The following PPP1R21 variants were observed in gnomAD, a reference collection of about 807,000 sequenced individuals.
The protein encoded by PPP1R21 is KLRAQ motif containing 1.
A neutral mutation model predicts 112.8 loss-of-function variants in PPP1R21; 85 were observed. The observed-to-expected ratio is 0.75, with a 90% CI of 0.63 to 0.90. The LOEUF (loss-of-function observed/expected upper bound fraction) is 0.90. Among genes scored for constraint, PPP1R21 ranks in the 40% least tolerant of loss-of-function variants. The probability of loss-of-function intolerance (pLI) is 0.00; values close to 1 mark genes in which losing one functional copy is unlikely to be tolerated. For synonymous variants in PPP1R21, 381 were observed against 322.3 expected (o/e 1.18, Z -1.95); for missense variants, 1,199 against 901.5 (o/e 1.33, Z -4.23).
chr2:48,477,667 C>CTTTT (rs545161997), intron 12 of PPP1R21, among the ~76,000 whole-genome samples: 80 of 139,786 alleles, frequency 5.7e-4, no homozygotes, highest in Non-Finnish European at 2.5e-4. Context: ...AGCCCTCCTA[C>CTTTT]TTTTTTTTTT....
chr2:48,483,588 A>G (rs1405028249), intron 13 of PPP1R21, among the ~76,000 whole-genome samples: 2 of 152,236 alleles, frequency 1.3e-5, no homozygotes, highest in East Asian at 3.8e-4. Flanking sequence ...ACTGACTTGT[A>G]CTGCTTTATA....
intron 9 of PPP1R21, among the ~76,000 whole-genome samples, chr2:48,470,092 T>C (rs776882505): frequency 6.6e-6 from 1 of 152,210 alleles, no homozygotes; most frequent in Non-Finnish European, 1.5e-5. Flanking sequence ...CATTAGATAA[T>C]TGAGATATTT....
At chr2:48,441,670 G>C (rs1276051170) in intron 1 of PPP1R21, among the ~76,000 whole-genome samples, 1 of 152,216 alleles carries the variant, frequency 6.6e-6, no homozygotes, top group Admixed American at 6.5e-5. Context: ...GCAACATGGG[G>C]ACCTGCCCCT....
chr2:48,451,218 G>A (rs1667455247), intron 2 of PPP1R21, 142 bp downstream of exon 2: 4 of 626,120 alleles, frequency 6.4e-6, no homozygotes. Flanking sequence ...AGTCTTTTGT[G>A]GTTAATTTTC....
In PPP1R21 at chr2:48,451,105, G is replaced by A. The variant is rs775417054; in HGVS notation, c.126+29G>A. 4.1e-5 allele frequency: 65 copies of A among 1,583,584 alleles called. 1 individual carries two copies. Among genetic ancestry groups the A allele is most frequent in the Middle Eastern group, 3.3e-4 (2 of 6,006 alleles). Reference sequence around the variant, plus strand: ...GGCAACAGGATATTTGTGTTGTGAGGGTTAAGTTAGCATTTGGTGTTGCTC... The same window carrying A: ...GGCAACAGGATATTTGTGTTGTGAGAGTTAAGTTAGCATTTGGTGTTGCTC... On this transcript the variant is annotated intron_variant, in intron 2 of 21. Coordinates refer to ENST00000294952, the MANE Select transcript of PPP1R21 (RefSeq NM_001135629.3).
intron 13 of PPP1R21, among the ~76,000 whole-genome samples, chr2:48,484,262 C>G (rs1046845253): frequency 6.6e-5 from 10 of 152,140 alleles, no homozygotes; most frequent in Non-Finnish European, 1.5e-4. Context: ...CTGCTTCCTT[C>G]TTTGATTTCT....
chr2:48,502,871 G>C (rs1670187431), intron 17 of PPP1R21, among the ~76,000 whole-genome samples: 3 of 151,822 alleles, frequency 2.0e-5, no homozygotes, highest in South Asian at 2.1e-4. Flanking sequence ...TAGTAGAGAC[G>C]GGGTTTCACT....
Position 48,475,498 on chromosome 2 carries a change from A to G in PPP1R21, c.1225+679A>G, listed in dbSNP as rs138484866. Among the ~76,000 whole-genome samples the G allele has an allele frequency of 3.3e-5, 5 of 152,286 alleles. No individual in the cohort carries two copies. The East Asian group carries it at 9.6e-4, about 29-fold the overall frequency. On this transcript the variant is annotated intron_variant, in intron 12 of 21. Transcript: ENST00000294952. ...GTAGCAGCTTTCCAACAAGTAGCGT[A>G]GGGGAGCTTTAGTAGTAAAAATGCC...
chr2:48,444,861 C>CTT (rs397944972), intron 1 of PPP1R21, among the ~76,000 whole-genome samples: 6 of 137,264 alleles, frequency 4.4e-5, no homozygotes, highest in African/African-American at 1.1e-4. Context: ...TTTTAAAGTT[C>CTT]TTTTTTTTTT....
Position 48,460,158 on chromosome 2 carries a change from G to A in PPP1R21, c.599+5G>A. Reference sequence around the variant, plus strand: ...TCGACTTCGAACGGAAGAATGGTATGTGGAAACTTGAATTCCAAGAGGGTT... The same window carrying A: ...TCGACTTCGAACGGAAGAATGGTATATGGAAACTTGAATTCCAAGAGGGTT... On this transcript the variant is annotated splice_donor_5th_base_variant and intron_variant, in intron 6 of 21. Transcript: ENST00000294952. The A allele has an allele frequency of 6.2e-7, 1 of 1,614,056 alleles. No homozygotes were observed. Among genetic ancestry groups the A allele is most frequent in the South Asian group, 1.1e-5 (1 of 91,076 alleles).
chr2:48,490,989 A>G (rs1669537903), intron 14 of PPP1R21, 29 bp from the exon 15 acceptor site: 1 of 1,604,804 alleles, frequency 6.2e-7, no homozygotes, highest in Non-Finnish European at 8.5e-7. Flanking sequence ...TGGAAAACAA[A>G]ATCTATTTCC....
rs1181445705 is a variant in PPP1R21, at chr2:48,457,986, T to C, written c.274-140T>C. ...ACATAGGAAAAGTTAAATGATGAACTGTATAGCTTTTGCAGGATTGTTTGA... is the reference window on the plus strand; with the variant it reads ...ACATAGGAAAAGTTAAATGATGAACCGTATAGCTTTTGCAGGATTGTTTGA... On this transcript the variant is annotated intron_variant, in intron 3 of 21. Transcript: ENST00000294952. The C allele has an allele frequency of 9.2e-6, 6 of 651,256 alleles. No individual in the cohort carries two copies. The African/African-American group carries it at 1.1e-4, about 12-fold the overall frequency. 40.3% of individuals were successfully genotyped at this position (651,256 alleles called of 1,614,324 possible).
intron 21 of PPP1R21, among the ~76,000 whole-genome samples, chr2:48,513,941 C>T (rs1670752204): frequency 6.6e-6 from 1 of 152,186 alleles, no homozygotes. Context: ...GATTTGTTCT[C>T]AGCCAGTATC....
chr2:48,477,667 CTT>C (rs545161997), intron 12 of PPP1R21, among the ~76,000 whole-genome samples: 10,632 of 139,706 alleles, frequency 0.076, 527 homozygotes, highest in Non-Finnish European at 0.12. Context: ...AGCCCTCCTA[CTT>C]TTTTTTTTTT....
chr2:48,465,121 C>G, intron 8 of PPP1R21, 132 bp downstream of exon 8: 1 of 725,630 alleles, frequency 1.4e-6, no homozygotes, highest in South Asian at 1.9e-5. Flanking sequence ...TTACGTGTTT[C>G]TCATACATTT....
intron 14 of PPP1R21, among the ~76,000 whole-genome samples, chr2:48,487,852 TCAA>T (rs2103926089): frequency 6.6e-6 from 1 of 152,196 alleles, no homozygotes; most frequent in South Asian, 2.1e-4. Flanking sequence ...GTGGCTGTCA[TCAA>T]CAACTTTAAT....
chr2:48,443,953 C>G (rs1242272775), intron 1 of PPP1R21, among the ~76,000 whole-genome samples: 1 of 152,128 alleles, frequency 6.6e-6, no homozygotes, highest in South Asian at 2.1e-4. Context: ...AGGACATTGG[C>G]AGAGTCTTCT....
At chr2:48,504,253 C>T (rs568866097) in intron 17 of PPP1R21, among the ~76,000 whole-genome samples, 2 of 152,314 alleles carry the variant, frequency 1.3e-5, no homozygotes, top group East Asian at 1.9e-4. Flanking sequence ...GACTCTTTTA[C>T]AGCCAGGTGG....
In PPP1R21 at chr2:48,479,914, G is replaced by C; in HGVS notation, c.1226-10G>C. The C allele has an allele frequency of 6.4e-7, 1 of 1,567,590 alleles. No individual in the cohort carries two copies. The highest frequency in any genetic ancestry group is 8.8e-7 in the Non-Finnish European group (1 of 1,137,706). ...GGAAAATGCTTAGATTTGTGATTTT[G>C]ATTTCCTAGGTACAGAGCCAGATGG... On this transcript the variant is annotated splice_polypyrimidine_tract_variant and intron_variant, in intron 12 of 21. Transcript: ENST00000294952.
Sources: gnomAD v4.1 joint callset for allele counts (sites outside exome capture counted in the v4.1 genomes callset) on GRCh38, gnomAD v4.1.1 for gene constraint, MANE v1.5 for transcripts, NCBI Gene and HGNC (gene_info 2026-07-23, HGNC 2026-07-21) for gene names.